The following MAP2 variants were observed in gnomAD, a reference collection of about 807,000 sequenced individuals.
MAP2 encodes microtubule-associated protein 2.
A neutral mutation model predicts 137.6 loss-of-function variants in MAP2; 14 were observed. The observed-to-expected ratio is 0.10, with a 90% CI of 0.07 to 0.16. The LOEUF is 0.16. MAP2 is among the 10% of genes least tolerant of loss of function. MAP2 has a pLI of 1.00. For missense variants in MAP2, 2,088 were observed against 2,191.5 expected (o/e 0.95, Z 0.94); for synonymous variants, 786 against 782.3 (o/e 1.00, Z -0.08).
At chr2:209,433,776 T>C (rs1461850660) in intron 1 of MAP2, among the ~76,000 whole-genome samples, 1 of 152,100 alleles carries the variant, frequency 6.6e-6, no homozygotes, top group African/African-American at 2.4e-5. Flanking sequence ...TCATTTTTTT[T>C]TGGCTGTTGG....
At chr2:209,716,870 G>A (rs73074718) in intron 13 of MAP2, among the ~76,000 whole-genome samples, 10,977 of 152,090 alleles carry the variant, frequency 0.072, 752 homozygotes, top group African/African-American at 0.18. Flanking sequence ...CATGATAGTA[G>A]TTATGCATTA....
intron 3 of MAP2, among the ~76,000 whole-genome samples, chr2:209,616,174 A>C (rs1388919576): frequency 6.6e-6 from 1 of 150,574 alleles, no homozygotes; most frequent in African/African-American, 2.5e-5. Context: ...TAACACAGCT[A>C]TAACCAGCTT....
intron 1 of MAP2, among the ~76,000 whole-genome samples, chr2:209,503,956 T>C (rs1461262261): frequency 1.3e-5 from 2 of 152,100 alleles, no homozygotes; most frequent in South Asian, 2.1e-4. Flanking sequence ...ATTAGTTGGG[T>C]GTGGTGAAAC....
rs537269157 is a variant in MAP2, at chr2:209,710,093, G to A, written c.4912G>A (p.Val1638Met). 30 of 1,613,834 alleles carry A rather than the reference G, an allele frequency of 1.9e-5. 1 individual carries two copies. In the South Asian group the frequency reaches 2.9e-4, roughly 15 times the overall value. Reference sequence around the variant, plus strand: ...AGGAACCCCCAAGTCTGCCATCTTGGTGCCGAGTGAGAAGAAGGTCGCCAT... The same window carrying A: ...AGGAACCCCCAAGTCTGCCATCTTGATGCCGAGTGAGAAGAAGGTCGCCAT... ...TPGTPKSAIL[V>M]PSEKKVAIIR... Residue 1638 changes from valine (V) to methionine (M), a missense_variant, in exon 13 of 16, where the codon GTG becomes ATG. Val to Met is a conservative substitution (Grantham distance 21). Transcript: ENST00000682079.
intron 2 of MAP2, among the ~76,000 whole-genome samples, chr2:209,559,264 C>T (rs971591005): frequency 6.6e-6 from 1 of 151,910 alleles, no homozygotes; most frequent in Non-Finnish European, 1.5e-5. Flanking sequence ...TCTCTATAGC[C>T]TCATGGATTT....
intron 1 of MAP2, among the ~76,000 whole-genome samples, chr2:209,454,423 C>T (rs1040472293): frequency 6.6e-6 from 1 of 152,040 alleles, no homozygotes; most frequent in Non-Finnish European, 1.5e-5. Flanking sequence ...CAACCTCTGC[C>T]TCCCGAGTTC....
intron 1 of MAP2, among the ~76,000 whole-genome samples, chr2:209,463,756 T>C (rs1243789806): frequency 6.6e-6 from 1 of 152,184 alleles, no homozygotes; most frequent in African/African-American, 2.4e-5. Flanking sequence ...AAATAATCTA[T>C]GGTAGTTGTC....
intron 13 of MAP2, among the ~76,000 whole-genome samples, chr2:209,715,464 A>T (rs1273463357): frequency 6.6e-6 from 1 of 152,188 alleles, no homozygotes; most frequent in African/African-American, 2.4e-5. Context: ...TAGATTTCTT[A>T]AATTCTTGCC....
intron 3 of MAP2, among the ~76,000 whole-genome samples, chr2:209,604,815 G>A (rs1484646813): frequency 6.6e-6 from 1 of 152,064 alleles, no homozygotes; most frequent in African/African-American, 2.4e-5. Flanking sequence ...TTGAATAAGC[G>A]GACAGGAAAG....
At chr2:209,504,745 T>C (rs1303825179) in intron 1 of MAP2, among the ~76,000 whole-genome samples, 3 of 151,396 alleles carry the variant, frequency 2.0e-5, no homozygotes, top group Non-Finnish European at 4.4e-5. Context: ...CTGTGCAAGC[T>C]ATCATTTTTT....
intron 1 of MAP2, among the ~76,000 whole-genome samples, chr2:209,435,418 A>G (rs1178625570): frequency 2.0e-5 from 3 of 151,766 alleles, no homozygotes; most frequent in Non-Finnish European, 4.4e-5. Flanking sequence ...TAGCAATATC[A>G]AAGGCACTGA....
chr2:209,466,099 A>G (rs1704064794), intron 1 of MAP2, among the ~76,000 whole-genome samples: 2 of 152,176 alleles, frequency 1.3e-5, no homozygotes, highest in South Asian at 4.1e-4. Flanking sequence ...GTCCCATGAG[A>G]CTACTAAAGA....
chr2:209,671,229 A>G (rs2048718737), intron 5 of MAP2, among the ~76,000 whole-genome samples: 1 of 151,924 alleles, frequency 6.6e-6, no homozygotes, highest in African/African-American at 2.4e-5. Flanking sequence ...GAGACATGCC[A>G]ATGCTGGCCT....
At chr2:209,661,225 C>A (rs912105800) in intron 5 of MAP2, among the ~76,000 whole-genome samples, 1 of 152,098 alleles carries the variant, frequency 6.6e-6, no homozygotes, top group African/African-American at 2.4e-5. Context: ...TCTAGATTTG[C>A]GATTTACTAA....
intron 1 of MAP2, among the ~76,000 whole-genome samples, chr2:209,443,726 A>G (rs956904317): frequency 6.6e-6 from 1 of 151,640 alleles, no homozygotes; most frequent in African/African-American, 2.4e-5. Context: ...ACATGGAAGC[A>G]TGGTGTCAGG....
intron 1 of MAP2, among the ~76,000 whole-genome samples, chr2:209,496,493 C>T (rs2059773740): frequency 6.6e-6 from 1 of 152,208 alleles, no homozygotes; most frequent in Non-Finnish European, 1.5e-5. Flanking sequence ...TATATCACCA[C>T]AAATTTAACT....
chr2:209,679,859 C>G (rs749561797), intron 6 of MAP2, among the ~76,000 whole-genome samples: 2 of 151,860 alleles, frequency 1.3e-5, no homozygotes, highest in Non-Finnish European at 2.9e-5. Flanking sequence ...ATGCAGAAGC[C>G]CATAGGGTAA....
chr2:209,546,405 T>C (rs2068077267), intron 2 of MAP2, among the ~76,000 whole-genome samples: 1 of 152,222 alleles, frequency 6.6e-6, no homozygotes, highest in Non-Finnish European at 1.5e-5. Context: ...ATGTAATATG[T>C]AATGATTATG....
intron 3 of MAP2, among the ~76,000 whole-genome samples, chr2:209,618,230 A>G (rs1037041077): frequency 1.3e-5 from 2 of 152,098 alleles, no homozygotes; most frequent in Non-Finnish European, 2.9e-5. Flanking sequence ...GCAGAAAGAA[A>G]GAGAAAGAAG....
Sources: gnomAD v4.1 joint callset for allele counts (sites outside exome capture counted in the v4.1 genomes callset) on GRCh38, gnomAD v4.1.1 for gene constraint, MANE v1.5 for transcripts, NCBI Gene and HGNC (gene_info 2026-07-23, HGNC 2026-07-21) for gene names.